Variants in GPM6A observed in about 807,000 individuals in gnomAD.
GPM6A encodes neuronal membrane glycoprotein M6-a.
GPM6A carries 7 observed loss-of-function variants against 32.1 expected under a neutral mutation model. The ratio of observed to expected loss-of-function variants is 0.22; its 90% confidence interval spans 0.12 to 0.41. GPM6A has a LOEUF of 0.41. GPM6A is among the 10% of genes least tolerant of loss of function. GPM6A has a pLI of 1.00. For synonymous variants in GPM6A, 130 were observed against 123.4 expected (o/e 1.05, Z -0.35); for missense variants, 235 against 347.2 (o/e 0.68, Z 2.57).
chr4:175,970,277 A>C (rs1345117738), intron 1 of GPM6A, among the ~76,000 whole-genome samples: 1 of 152,196 alleles, frequency 6.6e-6, no homozygotes, highest in African/African-American at 2.4e-5. Flanking sequence ...AAGGAAACTG[A>C]GGGTTGAAGG....
intron 1 of GPM6A, among the ~76,000 whole-genome samples, chr4:175,870,870 T>TA (rs1736884934): frequency 6.6e-6 from 1 of 152,148 alleles, no homozygotes; most frequent in Non-Finnish European, 1.5e-5. Flanking sequence ...TTAGAAGAAG[T>TA]ATCTTTTTAA....
intron 4 of GPM6A, among the ~76,000 whole-genome samples, chr4:175,644,088 T>G (rs76271613): frequency 2.0e-5 from 3 of 151,908 alleles, no homozygotes; most frequent in African/African-American, 4.8e-5. Context: ...CAACTCTACT[T>G]TCTTTCATTC....
At chr4:175,852,396 GA>G in intron 1 of GPM6A, among the ~76,000 whole-genome samples, 1 of 152,122 alleles carries the variant, frequency 6.6e-6, no homozygotes. Flanking sequence ...ACCAAATAAA[GA>G]TTGGCTTTAA....
At chr4:175,691,541 T>G (rs939186869) in intron 2 of GPM6A, among the ~76,000 whole-genome samples, 7 of 152,226 alleles carry the variant, frequency 4.6e-5, no homozygotes, top group African/African-American at 1.7e-4. Flanking sequence ...CTTTGAAAAC[T>G]TCCTTTTAAA....
At chr4:175,936,442 A>G (rs1462559577) in intron 1 of GPM6A, among the ~76,000 whole-genome samples, 1 of 143,982 alleles carries the variant, frequency 6.9e-6, no homozygotes, top group African/African-American at 2.9e-5. Flanking sequence ...TGCATATGTG[A>G]TGCCAGTCCT....
intron 1 of GPM6A, among the ~76,000 whole-genome samples, chr4:175,797,509 AC>A (rs941993633): frequency 2.0e-5 from 3 of 152,178 alleles, no homozygotes; most frequent in African/African-American, 7.2e-5. Flanking sequence ...TTTTATTGTT[AC>A]ATGCATTAGC....
At chr4:175,779,040 C>T (rs78905166) in intron 1 of GPM6A, among the ~76,000 whole-genome samples, 3,067 of 151,902 alleles carry the variant, frequency 0.02, 57 homozygotes, top group Non-Finnish European at 0.031. Flanking sequence ...ATATGTATTA[C>T]AAAATGATAT....
intron 2 of GPM6A, among the ~76,000 whole-genome samples, chr4:175,694,101 C>T (rs1200512099): frequency 6.6e-6 from 1 of 152,146 alleles, no homozygotes; most frequent in African/African-American, 2.4e-5. Context: ...CAGCATCATG[C>T]TTTATGTACA....
At chr4:175,902,370 AG>A (rs1737994989) in intron 1 of GPM6A, among the ~76,000 whole-genome samples, 1 of 152,218 alleles carries the variant, frequency 6.6e-6, no homozygotes, top group African/African-American at 2.4e-5. Context: ...TTCCTAAAAA[AG>A]AGCAGCCTGA....
intron 1 of GPM6A, among the ~76,000 whole-genome samples, chr4:175,827,399 A>G (rs973180546): frequency 6.6e-6 from 1 of 152,202 alleles, no homozygotes; most frequent in Admixed American, 6.6e-5. Context: ...TGTGAGGTAC[A>G]TAGTATTATT....
At chr4:175,778,348 A>AG (rs1294484651) in intron 1 of GPM6A, among the ~76,000 whole-genome samples, 1 of 152,014 alleles carries the variant, frequency 6.6e-6, no homozygotes, top group Admixed American at 6.6e-5. Context: ...AAAACTCTGT[A>AG]GGGGGCCTAG....
At chr4:175,647,337 A>G (rs1741517865) in intron 4 of GPM6A, among the ~76,000 whole-genome samples, 1 of 152,230 alleles carries the variant, frequency 6.6e-6, no homozygotes, top group Middle Eastern at 3.2e-3. Flanking sequence ...TAAACATCTA[A>G]TACATCCAAT....
Position 175,792,429 on chromosome 4 carries a change from T to C in GPM6A, c.37+19762A>G, listed in dbSNP as rs572686606. Among the ~76,000 whole-genome samples the C allele has an allele frequency of 2.0e-5, 3 of 152,184 alleles. No homozygotes were observed. In the South Asian group the frequency reaches 6.2e-4, roughly 32 times the overall value. Reference sequence around the variant, plus strand: ...CTAGAAAATAATTAAATGAAGAAAATAGCCAAAAAGAAGAGGCAACCCTAT... The same window carrying C: ...CTAGAAAATAATTAAATGAAGAAAACAGCCAAAAAGAAGAGGCAACCCTAT... On this transcript the variant is annotated intron_variant, in intron 1 of 6. Coordinates refer to ENST00000393658, the MANE Select transcript of GPM6A (RefSeq NM_201591.3).
chr4:175,996,525 G>A (rs1188269897), intron 1 of GPM6A, among the ~76,000 whole-genome samples: 2 of 152,120 alleles, frequency 1.3e-5, no homozygotes, highest in Non-Finnish European at 2.9e-5. Context: ...AAAATGAACA[G>A]TACCCTACAA....
At chr4:175,897,118 T>C (rs73011939) in intron 1 of GPM6A, among the ~76,000 whole-genome samples, 5,235 of 152,128 alleles carry the variant, frequency 0.034, 269 homozygotes, top group African/African-American at 0.12. Context: ...AGAAGCCACA[T>C]AGAAGACAGG....
intron 1 of GPM6A, among the ~76,000 whole-genome samples, chr4:175,958,113 G>A (rs773951901): frequency 1.3e-5 from 2 of 152,066 alleles, no homozygotes; most frequent in East Asian, 1.9e-4. Flanking sequence ...GGCCCGTCTC[G>A]AACTCCTTAC....
At chr4:175,695,699 G>C (rs1224412273) in intron 2 of GPM6A, among the ~76,000 whole-genome samples, 2 of 152,220 alleles carry the variant, frequency 1.3e-5, no homozygotes, top group East Asian at 3.9e-4. Flanking sequence ...TTTGGACTTT[G>C]GATTTTTGAA....
chr4:175,977,312 C>T (rs1740692379), intron 1 of GPM6A, among the ~76,000 whole-genome samples: 1 of 152,108 alleles, frequency 6.6e-6, no homozygotes, highest in African/African-American at 2.4e-5. Context: ...TCATGTACGC[C>T]CAAAGTTTAG....
intron 1 of GPM6A, among the ~76,000 whole-genome samples, chr4:175,923,528 T>G (rs1359422428): frequency 6.6e-6 from 1 of 151,366 alleles, no homozygotes; most frequent in South Asian, 2.1e-4. Flanking sequence ...TTTTGGGGTT[T>G]TTTTTGTTGC....
Sources: allele counts gnomAD v4.1 joint callset (sites outside exome capture counted in the v4.1 genomes callset), GRCh38; gene constraint gnomAD v4.1.1; transcripts MANE v1.5; gene names NCBI Gene and HGNC (gene_info 2026-07-23, HGNC 2026-07-21).